The following NCK2 variants were observed in gnomAD, a reference collection of about 807,000 sequenced individuals.
The protein encoded by NCK2 is cytoplasmic protein NCK2.
Under a neutral mutation model 33.9 loss-of-function variants are expected in NCK2, and 16 were observed. The ratio of observed to expected loss-of-function variants is 0.47; its 90% CI spans 0.32 to 0.72. The LOEUF is 0.72. Ranked by LOEUF, NCK2 falls within the 30% of genes least tolerant of loss-of-function variation. The pLI is 0.03. For synonymous variants in NCK2, 273 were observed against 239.9 expected, an observed-to-expected ratio of 1.14 and a Z score of -1.27; for missense variants, 418 against 537.3, an observed-to-expected ratio of 0.78 and a Z score of 2.19.
intron 3 of NCK2, among the ~76,000 whole-genome samples, chr2:105,864,758 C>A (rs531765276): frequency 1.3e-5 from 2 of 151,246 alleles, no homozygotes; most frequent in East Asian, 1.9e-4. Context: ...CTTCTTTGTC[C>A]CTTTCACACA....
chr2:105,794,929 T>C (rs4851090), intron 1 of NCK2, among the ~76,000 whole-genome samples: 124,878 of 152,140 alleles, frequency 0.82, 51,422 homozygotes, highest in East Asian at 0.88. Context: ...TCTCTCTATC[T>C]TCTTTTTTCC....
chr2:105,788,986 T>C (rs997447413), intron 1 of NCK2, among the ~76,000 whole-genome samples: 1 of 152,150 alleles, frequency 6.6e-6, no homozygotes, highest in African/African-American at 2.4e-5. Context: ...TAAAACATGG[T>C]ATGACTGTGA....
At chr2:105,765,077 G>A (rs1689896658) in intron 1 of NCK2, among the ~76,000 whole-genome samples, 2 of 151,880 alleles carry the variant, frequency 1.3e-5, no homozygotes, top group Admixed American at 1.3e-4. Context: ...TACATGGTAT[G>A]GACATCTTTA....
At chr2:105,813,952 A>G (rs1297214051) in intron 1 of NCK2, among the ~76,000 whole-genome samples, 1 of 152,232 alleles carries the variant, frequency 6.6e-6, no homozygotes, top group Non-Finnish European at 1.5e-5. Flanking sequence ...AGAAAAGCAC[A>G]CACTCCTTCT....
intron 1 of NCK2, among the ~76,000 whole-genome samples, chr2:105,803,356 A>G (rs1279169419): frequency 6.6e-6 from 1 of 152,160 alleles, no homozygotes; most frequent in African/African-American, 2.4e-5. Flanking sequence ...GTAGTCTCCT[A>G]TTTGACTTTG....
intron 1 of NCK2, among the ~76,000 whole-genome samples, chr2:105,812,105 A>G (rs1304148936): frequency 6.6e-6 from 1 of 152,204 alleles, no homozygotes; most frequent in Non-Finnish European, 1.5e-5. Context: ...GAATTGATAT[A>G]ATTTCAGCCT....
intron 1 of NCK2, among the ~76,000 whole-genome samples, chr2:105,757,103 C>A (rs1389149194): frequency 2.0e-5 from 3 of 152,156 alleles, no homozygotes; most frequent in Non-Finnish European, 2.9e-5. Context: ...CCGCGCCTGG[C>A]CCCATTCTGA....
rs556392294 is a variant in NCK2 at position 105,792,971 on chromosome 2, T to G, written c.-200-23459T>G. 2.0e-5 allele frequency among the ~76,000 whole-genome samples: 3 copies of G among 152,294 alleles called. No homozygotes were observed. In the South Asian group the frequency reaches 6.2e-4, roughly 32 times the overall value. On this transcript the variant is annotated intron_variant, in intron 1 of 4. Coordinates refer to ENST00000233154, the MANE Select transcript of NCK2 (RefSeq NM_003581.5). ...CAGTTTAGATGGGAGTCTTTCCCTT[T>G]CTCACCAACCGAGTCAGCTTTTCCC...
chr2:105,798,151 A>T (rs1691152517), intron 1 of NCK2, among the ~76,000 whole-genome samples: 1 of 152,218 alleles, frequency 6.6e-6, no homozygotes, highest in Non-Finnish European at 1.5e-5. Context: ...AAGGAGTAGG[A>T]GCTAATGTTC....
intron 1 of NCK2, among the ~76,000 whole-genome samples, chr2:105,811,956 TA>T (rs1265232864): frequency 3.3e-5 from 5 of 152,190 alleles, no homozygotes; most frequent in African/African-American, 7.2e-5. Flanking sequence ...CCTTAAACTC[TA>T]ATCAGTCACT....
chr2:105,874,401 T>C lies in NCK2; in HGVS notation c.227-6927T>C, dbSNP rs531729747. 5.9e-5 allele frequency among the ~76,000 whole-genome samples: 9 copies of C among 152,368 alleles called. No individual in the cohort carries two copies. In the South Asian group the frequency reaches 1.9e-3, roughly 32 times the overall value. ...TCCATAGTATTTAATAAAAGCTTTT[T>C]GTAATATTTAGCTGACTTTAATAAT... On this transcript the variant is annotated intron_variant, in intron 3 of 4. Coordinates refer to ENST00000233154, the MANE Select transcript of NCK2 (RefSeq NM_003581.5).
intron 4 of NCK2, among the ~76,000 whole-genome samples, chr2:105,889,418 A>G (rs369332771): frequency 5.8e-4 from 88 of 152,312 alleles, no homozygotes; most frequent in African/African-American, 2.1e-3. Flanking sequence ...TGTTTGTTCC[A>G]GATTTTCTTT....
At chr2:105,867,346 C>A (rs1371750376) in intron 3 of NCK2, among the ~76,000 whole-genome samples, 1 of 152,166 alleles carries the variant, frequency 6.6e-6, no homozygotes, top group Non-Finnish European at 1.5e-5. Flanking sequence ...CATTAAAATT[C>A]TGTCTTGCAA....
At chr2:105,858,319 C>T (rs1410824087) in intron 3 of NCK2, among the ~76,000 whole-genome samples, 1 of 152,132 alleles carries the variant, frequency 6.6e-6, no homozygotes, top group Non-Finnish European at 1.5e-5. Context: ...AGTGCAGTGG[C>T]ACAATCCCTG....
intron 1 of NCK2, among the ~76,000 whole-genome samples, chr2:105,783,067 A>G (rs1690554763): frequency 6.6e-6 from 1 of 152,156 alleles, no homozygotes. Context: ...CCGTGGAACA[A>G]GATAGATGGG....
At chr2:105,807,122 C>A (rs1675075000) in intron 1 of NCK2, among the ~76,000 whole-genome samples, 1 of 152,146 alleles carries the variant, frequency 6.6e-6, no homozygotes, top group African/African-American at 2.4e-5. Flanking sequence ...TTGTATCAGC[C>A]CTTGTAGCCT....
intron 4 of NCK2, among the ~76,000 whole-genome samples, chr2:105,887,344 T>G (rs1678760612): frequency 6.6e-6 from 1 of 152,178 alleles, no homozygotes; most frequent in Non-Finnish European, 1.5e-5. Flanking sequence ...AAAACATGTC[T>G]TTACCAAAAG....
At position 105,751,190 on chromosome 2, in the gene NCK2, C is replaced by T. The variant is rs559867536; in HGVS notation, c.-201+6052C>T. ...AAACCATTTGCAGCTTCTCCTGCAA[C>T]CTGCCCGCCTTCTCAGTTATATTCC... On this transcript the variant is annotated intron_variant, in intron 1 of 4. Coordinates refer to ENST00000233154, the MANE Select transcript of NCK2 (RefSeq NM_003581.5). Among the ~76,000 whole-genome samples the T allele has an allele frequency of 2.0e-5, 3 of 152,324 alleles. No individual in the cohort carries two copies. The East Asian group carries it at 5.8e-4, about 29-fold the overall frequency.
intron 1 of NCK2, among the ~76,000 whole-genome samples, chr2:105,759,044 C>G (rs1022131267): frequency 4.6e-5 from 7 of 152,030 alleles, no homozygotes; most frequent in African/African-American, 1.7e-4. Context: ...TAGTGATAGA[C>G]TATAATTAAT....
Sources: gnomAD v4.1 joint callset for allele counts (sites outside exome capture counted in the v4.1 genomes callset) on GRCh38, gnomAD v4.1.1 for gene constraint, MANE v1.5 for transcripts, NCBI Gene and HGNC (gene_info 2026-07-23, HGNC 2026-07-21) for gene names.